The following AXDND1 variants were observed in gnomAD, a reference collection of about 807,000 sequenced individuals.
AXDND1 encodes axonemal dynein light chain domain-containing protein 1.
A neutral mutation model predicts 137.5 loss-of-function variants in AXDND1; 110 were observed. The observed-to-expected ratio is 0.80, with a 90% confidence interval of 0.69 to 0.94. The LOEUF is 0.94. Ranked by LOEUF, AXDND1 falls within the 40% of genes least tolerant of loss-of-function variation. The pLI, the probability that AXDND1 is intolerant of heterozygous loss-of-function variation, is 0.00. For synonymous variants in AXDND1, 414 were observed against 399.7 expected, an observed-to-expected ratio of 1.04 and a Z score of -0.43; for missense variants, 1,191 against 1,169.8, an observed-to-expected ratio of 1.02 and a Z score of -0.26.
intron 16 of AXDND1, among the ~76,000 whole-genome samples, chr1:179,461,945 G>C (rs1364322852): frequency 6.6e-6 from 1 of 152,120 alleles, no homozygotes; most frequent in African/African-American, 2.4e-5. Context: ...GAGATTTTGG[G>C]CTGAGACAAT....
At position 179,406,934 on chromosome 1, in the gene AXDND1, C is replaced by A. The variant is rs528546124; in HGVS notation, c.1110-4212C>A. Among the ~76,000 whole-genome samples, 5 of 152,060 alleles carry A rather than the reference C, an allele frequency of 3.3e-5. No homozygotes were observed. The South Asian group carries it at 1.0e-3, about 32-fold the overall frequency. ...TGATTATTTTGTATAGCTTTTTCTC[C>A]TTTCCTCTTATTTTATTGTTTATCA... On this transcript the variant is annotated intron_variant, in intron 11 of 25. Transcript: ENST00000367618.
chr1:179,534,309 T>A (rs746224232), intron 24 of AXDND1, among the ~76,000 whole-genome samples: 3 of 152,196 alleles, frequency 2.0e-5, no homozygotes. Context: ...CTGTAGTAGC[T>A]AAGAAGCACA....
intron 16 of AXDND1, among the ~76,000 whole-genome samples, chr1:179,464,970 C>T (rs995382593): frequency 6.6e-6 from 1 of 152,184 alleles, no homozygotes; most frequent in African/African-American, 2.4e-5. Flanking sequence ...TCCATCAGGT[C>T]ACTTAAGGTC....
intron 21 of AXDND1, among the ~76,000 whole-genome samples, chr1:179,519,003 C>A (rs1178226737): frequency 1.3e-5 from 2 of 152,294 alleles, no homozygotes; most frequent in Non-Finnish European, 1.5e-5. Flanking sequence ...TACACTCCCA[C>A]CACAGTGTAT....
intron 8 of AXDND1, 74 bp from the exon 9 acceptor site, chr1:179,385,164 A>G: frequency 8.0e-7 from 1 of 1,257,236 alleles, no homozygotes; most frequent in Non-Finnish European, 1.1e-6. Flanking sequence ...ATTTACATTC[A>G]AGGTATTAAC....
intron 16 of AXDND1, among the ~76,000 whole-genome samples, chr1:179,461,050 G>A (rs1662249941): frequency 6.6e-6 from 1 of 152,116 alleles, no homozygotes; most frequent in African/African-American, 2.4e-5. Flanking sequence ...AAGCTCTTTA[G>A]TTTAATTAGA....
chr1:179,455,254 G>C (rs61248402), intron 16 of AXDND1: 44,822 of 140,444 alleles, frequency 0.32, 7,845 homozygotes, highest in South Asian at 0.41. Context: ...CAGCCTAGGG[G>C]AGAGAGTGAG....
intron 12 of AXDND1, among the ~76,000 whole-genome samples, chr1:179,418,024 G>A (rs1246184563): frequency 6.8e-6 from 1 of 147,620 alleles, no homozygotes; most frequent in Non-Finnish European, 1.5e-5. Context: ...TCATTCTTGG[G>A]TGTTTCTCGC....
chr1:179,429,605 C>T lies in AXDND1; in HGVS notation c.1318C>T (p.Leu440=), dbSNP rs1379087462. Residue 440 remains leucine (L), a synonymous_variant, in exon 13 of 26, where the codon CTG becomes TTG. Transcript: ENST00000367618. The part of the protein sequence containing the change: ...WNKYTKHFII[L]LSNKDTEDLA... ...TAAATACACTAAGCATTTCATCATA[C>T]TGCTATCAAACAAGGTAAAGGTCAA... 1 of 1,570,498 alleles carries T rather than the reference C, an allele frequency of 6.4e-7. No homozygotes were observed. The highest frequency in any genetic ancestry group is 8.6e-7 in the Non-Finnish European group (1 of 1,161,682).
At chr1:179,535,034 T>C (rs750800411) in intron 25 of AXDND1, 72 bp downstream of exon 25, 14 of 1,591,924 alleles carry the variant, frequency 8.8e-6, no homozygotes, top group Admixed American at 5.1e-5. Context: ...GCCACAAATA[T>C]TGTAGAAGAA....
intron 16 of AXDND1, among the ~76,000 whole-genome samples, chr1:179,460,932 T>G (rs2125443158): frequency 6.6e-6 from 1 of 152,324 alleles, no homozygotes; most frequent in South Asian, 2.1e-4. Flanking sequence ...TTTAAGTTCT[T>G]TGTGGACTCT....
intron 2 of AXDND1, among the ~76,000 whole-genome samples, chr1:179,367,145 C>G (rs984082774): frequency 6.6e-6 from 1 of 151,530 alleles, no homozygotes; most frequent in African/African-American, 2.4e-5. Flanking sequence ...TCGCTTGAAC[C>G]CAGGAGGTGA....
intron 23 of AXDND1, among the ~76,000 whole-genome samples, chr1:179,529,373 A>G (rs1229255405): frequency 6.6e-6 from 1 of 152,260 alleles, no homozygotes; most frequent in Non-Finnish European, 1.5e-5. Flanking sequence ...GGCCCCCTAC[A>G]AATTTGTTGA....
At chr1:179,519,429 GTT>G (rs1244298537) in intron 21 of AXDND1, among the ~76,000 whole-genome samples, 3 of 152,098 alleles carry the variant, frequency 2.0e-5, no homozygotes, top group Non-Finnish European at 4.4e-5. Context: ...TGTTGCAATT[GTT>G]TTTGGCATCT....
At chr1:179,445,357 A>G (rs923037548) in intron 16 of AXDND1, among the ~76,000 whole-genome samples, 153 bp downstream of exon 16, 3 of 152,162 alleles carry the variant, frequency 2.0e-5, no homozygotes, top group Non-Finnish European at 4.4e-5. Flanking sequence ...TCACTTTGAG[A>G]TATAATTTAT....
intron 25 of AXDND1, among the ~76,000 whole-genome samples, chr1:179,550,236 T>C (rs2125758958): frequency 6.6e-6 from 1 of 152,340 alleles, no homozygotes; most frequent in Non-Finnish European, 1.5e-5. Context: ...TATTGGCTTA[T>C]TTTTTCTGCA....
chr1:179,492,833 C>T, intron 19 of AXDND1, 22 bp from the exon 20 acceptor site: 1 of 1,530,024 alleles, frequency 6.5e-7, no homozygotes, highest in Non-Finnish European at 8.9e-7. Context: ...TTTTCTTTTT[C>T]TTTTTTTCCC....
chr1:179,369,293 G>A (rs966482727), intron 3 of AXDND1, among the ~76,000 whole-genome samples: 19 of 152,184 alleles, frequency 1.2e-4, no homozygotes, highest in African/African-American at 4.3e-4. Context: ...GCCTATGCTG[G>A]TCTCAAATTC....
intron 25 of AXDND1, 105 bp downstream of exon 25, chr1:179,535,067 C>A: frequency 6.6e-7 from 1 of 1,522,850 alleles, no homozygotes; most frequent in Non-Finnish European, 9.0e-7. Flanking sequence ...TGGTGCTAAT[C>A]TACTAGTTTA....
Sources: allele counts gnomAD v4.1 joint callset (sites outside exome capture counted in the v4.1 genomes callset), GRCh38; gene constraint gnomAD v4.1.1; transcripts MANE v1.5; gene names NCBI Gene and HGNC (gene_info 2026-07-23, HGNC 2026-07-21).